The following MACROD2 variants were observed in gnomAD, a reference collection of about 807,000 sequenced individuals.
MACROD2 encodes ADP-ribose glycohydrolase MACROD2.
MACROD2 carries 36 observed loss-of-function variants against 70.4 expected under a neutral mutation model. The observed-to-expected ratio is 0.51, with a 90% CI of 0.39 to 0.68. The LOEUF is 0.68. Among genes scored for constraint, MACROD2 ranks in the 30% least tolerant of loss-of-function variants. MACROD2 has a pLI of 0.00. For synonymous variants in MACROD2, 172 were observed against 178.8 expected, an observed-to-expected ratio of 0.96 and a Z score of 0.30; for missense variants, 496 against 538.4, an observed-to-expected ratio of 0.92 and a Z score of 0.78.
intron 15 of MACROD2, among the ~76,000 whole-genome samples, chr20:16,001,826 G>A (rs370479202): frequency 1.2e-3 from 188 of 151,950 alleles, no homozygotes; most frequent in African/African-American, 4.3e-3. Context: ...TTTTCGTAAC[G>A]TATTAAGATA....
At chr20:15,950,434 C>A (rs2065887979) in intron 12 of MACROD2, among the ~76,000 whole-genome samples, 1 of 152,068 alleles carries the variant, frequency 6.6e-6, no homozygotes, top group Non-Finnish European at 1.5e-5. Context: ...CTCCACAAGG[C>A]CACAGAAAGC....
At chr20:15,579,376 T>C (rs887833261) in intron 8 of MACROD2, among the ~76,000 whole-genome samples, 2 of 152,196 alleles carry the variant, frequency 1.3e-5, no homozygotes, top group Non-Finnish European at 2.9e-5. Flanking sequence ...TAGTGACATT[T>C]CAAGTGCTCA....
intron 2 of MACROD2, among the ~76,000 whole-genome samples, chr20:14,020,072 T>A (rs1019550878): frequency 6.6e-6 from 1 of 152,064 alleles, no homozygotes; most frequent in Non-Finnish European, 1.5e-5. Flanking sequence ...AAACTAGAGG[T>A]AAATTTGGCT....
In MACROD2 at chr20:14,879,829, A is replaced by G. The variant is rs144142113; in HGVS notation, c.418+194870A>G. 1.6e-3 allele frequency among the ~76,000 whole-genome samples: 241 copies of G among 152,288 alleles called. 2 individuals carry two copies. The highest frequency in any genetic ancestry group is 5.2e-3 in the African/African-American group (218 of 41,550). ...CATGAAAACTGATGATTAAAAACAA[A>G]CTACGAAAATAATTTTAAATACACC... On this transcript the variant is annotated intron_variant, in intron 5 of 17. Transcript: ENST00000684519.
chr20:14,988,502 G>C (rs1051561915), intron 5 of MACROD2, among the ~76,000 whole-genome samples: 2 of 152,122 alleles, frequency 1.3e-5, no homozygotes, highest in African/African-American at 4.8e-5. Context: ...CTCTCTTACA[G>C]ATTGTCTTCA....
At chr20:15,636,076 G>GAAAAAAAAAAAAAAAAAAAAAAAAAAA (rs57402806) in intron 8 of MACROD2, among the ~76,000 whole-genome samples, 16 of 85,772 alleles carry the variant, frequency 1.9e-4, no homozygotes, top group Admixed American at 4.8e-4. Context: ...CCTCTCAAAA[G>GAAAAAAAAAAAAAAAAAAAAAAAAAAA]AAAAAAAAAA....
At chr20:14,226,650 G>T (rs1298573526) in intron 3 of MACROD2, among the ~76,000 whole-genome samples, 1 of 152,222 alleles carries the variant, frequency 6.6e-6, no homozygotes, top group Non-Finnish European at 1.5e-5. Flanking sequence ...TTAGCACCCG[G>T]GCCAGCGGCT....
intron 4 of MACROD2, among the ~76,000 whole-genome samples, chr20:14,524,188 T>A (rs1441137302): frequency 6.6e-6 from 1 of 152,218 alleles, no homozygotes; most frequent in Non-Finnish European, 1.5e-5. Context: ...TCACTCTGGT[T>A]ATGGCAGAAA....
At chr20:15,397,972 T>C (rs1165026012) in intron 6 of MACROD2, among the ~76,000 whole-genome samples, 1 of 152,210 alleles carries the variant, frequency 6.6e-6, no homozygotes, top group East Asian at 1.9e-4. Context: ...AGCTTCTTGC[T>C]GCTAGAAGTA....
chr20:15,424,588 T>G, intron 6 of MACROD2, among the ~76,000 whole-genome samples: 1 of 152,116 alleles, frequency 6.6e-6, no homozygotes. Flanking sequence ...GATGTGGTGA[T>G]GAATGCCTGT....
intron 5 of MACROD2, among the ~76,000 whole-genome samples, chr20:14,773,696 C>T (rs1052619647): frequency 1.3e-5 from 2 of 152,086 alleles, no homozygotes; most frequent in African/African-American, 2.4e-5. Context: ...AAGGGCTTAA[C>T]TCACATCTAA....
intron 2 of MACROD2, among the ~76,000 whole-genome samples, chr20:14,046,410 T>C (rs1377692622): frequency 6.6e-6 from 1 of 152,216 alleles, no homozygotes; most frequent in Non-Finnish European, 1.5e-5. Flanking sequence ...AGTATTGTGT[T>C]GGTGAGTATG....
At chr20:14,951,310 G>A (rs1468682006) in intron 5 of MACROD2, among the ~76,000 whole-genome samples, 1 of 152,086 alleles carries the variant, frequency 6.6e-6, no homozygotes, top group African/African-American at 2.4e-5. Context: ...GGCCATGGAT[G>A]TAAATGCAGG....
Position 14,337,412 on chromosome 20 carries a change from C to T in MACROD2, c.272-156067C>T, listed in dbSNP as rs955410588. 1.9e-5 allele frequency: 7 copies of T among 361,540 alleles called. No individual in the cohort carries two copies. In the South Asian group the frequency reaches 4.5e-4, roughly 23 times the overall value. The allele number at this position is 361,540 out of a possible 1,614,324, so 22.4% of individuals were successfully genotyped here. A position where few individuals can be genotyped will look rare whatever the true frequency, so the allele number is the denominator to read the frequency against. On this transcript the variant is annotated intron_variant, in intron 3 of 17. Coordinates refer to ENST00000684519, the MANE Select transcript of MACROD2 (RefSeq NM_001351661.2). ...ACATGGAAAACACTTACCAGGAAGACGAGAAAAAGCAATCCTATATACACT... is the reference window on the plus strand; with the variant it reads ...ACATGGAAAACACTTACCAGGAAGATGAGAAAAAGCAATCCTATATACACT...
At chr20:15,997,751 C>T (rs1326119034) in intron 15 of MACROD2, among the ~76,000 whole-genome samples, 1 of 152,016 alleles carries the variant, frequency 6.6e-6, no homozygotes, top group Non-Finnish European at 1.5e-5. Context: ...TGAGTAGGGG[C>T]ATCTTTGTCT....
chr20:14,889,466 A>G (rs947129870), intron 5 of MACROD2, among the ~76,000 whole-genome samples: 2 of 152,148 alleles, frequency 1.3e-5, no homozygotes, highest in Non-Finnish European at 1.5e-5. Flanking sequence ...TCTAGGATTC[A>G]ATAAGAAATA....
rs1491331929 is a variant in MACROD2 at position 14,702,602 on chromosome 20, T to TATATATATATAC, written c.418+17651_418+17652insATACATATATAT. Reference sequence around the variant, plus strand: ...GTATATATATGTATATATATGTGTGTATATATATGTGTATATATATATACA... The same window carrying TATATATATATAC: ...GTATATATATGTATATATATGTGTGTATATATATATACATATATATGTGTATATATATATACA... On this transcript the variant is annotated intron_variant, in intron 5 of 17. Transcript: ENST00000684519. Among the ~76,000 whole-genome samples the TATATATATATAC allele has an allele frequency of 7.4e-5, 5 of 67,200 alleles. 1 individual carries two copies. Among genetic ancestry groups the TATATATATATAC allele is most frequent in the South Asian group, 7.0e-4 (1 of 1,420 alleles). 44.1% of individuals were successfully genotyped at this position (67,200 alleles called of 152,430 possible).
intron 8 of MACROD2, among the ~76,000 whole-genome samples, chr20:15,517,497 G>T (rs1219912572): frequency 6.6e-6 from 1 of 152,208 alleles, no homozygotes; most frequent in Non-Finnish European, 1.5e-5. Context: ...TACTAGAGTG[G>T]CACCTATATC....
At position 15,074,492 on chromosome 20, in the gene MACROD2, G is replaced by A. The variant is rs978131424; in HGVS notation, c.419-155448G>A. Among the ~76,000 whole-genome samples, 21 of 152,110 alleles carry A rather than the reference G, an allele frequency of 1.4e-4. 1 individual carries two copies. The highest frequency in any genetic ancestry group is 3.1e-4 in the Non-Finnish European group (21 of 68,018). On this transcript the variant is annotated intron_variant, in intron 5 of 17. Transcript: ENST00000684519. ...TTGTAATGTCCTATAAATTGCACCCGAGGAGGAGGTTGTGGGAACCTCGAT... is the reference window on the plus strand; with the variant it reads ...TTGTAATGTCCTATAAATTGCACCCAAGGAGGAGGTTGTGGGAACCTCGAT...
Sources: allele counts gnomAD v4.1 joint callset (sites outside exome capture counted in the v4.1 genomes callset), GRCh38; gene constraint gnomAD v4.1.1; transcripts MANE v1.5; gene names NCBI Gene and HGNC (gene_info 2026-07-23, HGNC 2026-07-21).